SMYD3: variants seen among roughly 807,000 people sequenced by gnomAD.
SMYD3 encodes SET and MYND domain containing 3, also known as histone-lysine N-methyltransferase SMYD3.
SMYD3 carries 36 observed loss-of-function variants against 57.7 expected under a neutral mutation model. The ratio of observed to expected loss-of-function variants is 0.62; its 90% CI spans 0.48 to 0.82. The LOEUF (loss-of-function observed/expected upper bound fraction) is 0.82, where lower values mean the gene tolerates loss of function less well. Ranked by LOEUF, SMYD3 falls within the 40% of genes least tolerant of loss-of-function variation. The pLI, the probability that SMYD3 is intolerant of heterozygous loss-of-function variation, is 0.00. For missense variants in SMYD3, 515 were observed against 538.8 expected (o/e 0.96, Z 0.44); for synonymous variants, 211 against 195.0 (o/e 1.08, Z -0.68).
chr1:246,356,752 G>A (rs202067053), intron 1 of SMYD3, among the ~76,000 whole-genome samples: 1 of 151,958 alleles, frequency 6.6e-6, no homozygotes, highest in East Asian at 1.9e-4. Context: ...AAAGAAAAAA[G>A]AATTTTTAAA....
intron 5 of SMYD3, among the ~76,000 whole-genome samples, chr1:246,274,316 T>C (rs2064286703): frequency 6.6e-6 from 1 of 152,222 alleles, no homozygotes; most frequent in Non-Finnish European, 1.5e-5. Flanking sequence ...TCTGATGTAT[T>C]CTTCCTTTGG....
intron 5 of SMYD3, among the ~76,000 whole-genome samples, chr1:246,308,322 T>TC (rs1431545855): frequency 6.6e-6 from 1 of 152,200 alleles, no homozygotes; most frequent in Non-Finnish European, 1.5e-5. Flanking sequence ...AACTGGTTCT[T>TC]TCTGACCTAA....
intron 5 of SMYD3, among the ~76,000 whole-genome samples, chr1:246,026,581 T>C (rs2059578185): frequency 6.6e-6 from 1 of 152,242 alleles, no homozygotes; most frequent in Non-Finnish European, 1.5e-5. Flanking sequence ...GTTCTATCTG[T>C]GATGCTTATC....
intron 5 of SMYD3, among the ~76,000 whole-genome samples, chr1:245,955,619 CTATTTTAGTATTATTGTTGT>C (rs978683263): frequency 6.6e-6 from 1 of 152,004 alleles, no homozygotes; most frequent in African/African-American, 2.4e-5. Context: ...TATAATTGTT[CTATTTTAGTATTATTGTTGT>C]TAATCTACTG....
intron 1 of SMYD3, among the ~76,000 whole-genome samples, chr1:246,414,442 C>T (rs1372461104): frequency 6.6e-6 from 1 of 152,140 alleles, no homozygotes; most frequent in Non-Finnish European, 1.5e-5. Context: ...CACATAGAAC[C>T]AAAGCCTGTC....
At chr1:245,817,749 T>C (rs879125581) in intron 10 of SMYD3, among the ~76,000 whole-genome samples, 13 of 152,036 alleles carry the variant, frequency 8.6e-5, no homozygotes, top group Non-Finnish European at 1.5e-4. Flanking sequence ...ATGTGAAGAA[T>C]GCAGAAGCCT....
At chr1:246,161,725 A>G (rs1400067894) in intron 5 of SMYD3, among the ~76,000 whole-genome samples, 4 of 152,280 alleles carry the variant, frequency 2.6e-5, no homozygotes, top group African/African-American at 7.2e-5. Context: ...AATCAAATAC[A>G]GGTCTGGCCA....
At chr1:246,200,905 A>AT (rs1389499356) in intron 5 of SMYD3, among the ~76,000 whole-genome samples, 1 of 152,186 alleles carries the variant, frequency 6.6e-6, no homozygotes. Context: ...CCAAAAAAAA[A>AT]GTTTCTTATC....
At chr1:245,776,036 TGTATCA>T (rs1403581121) in intron 10 of SMYD3, among the ~76,000 whole-genome samples, 1 of 152,222 alleles carries the variant, frequency 6.6e-6, no homozygotes, top group Non-Finnish European at 1.5e-5. Flanking sequence ...TTATAGCATA[TGTATCA>T]GTAGGAGAAA....
At chr1:246,069,763 T>C (rs1418944084) in intron 5 of SMYD3, among the ~76,000 whole-genome samples, 5 of 152,142 alleles carry the variant, frequency 3.3e-5, no homozygotes, top group Non-Finnish European at 5.9e-5. Flanking sequence ...GGCTCACTCC[T>C]CCAGCTGCCT....
intron 8 of SMYD3, among the ~76,000 whole-genome samples, chr1:245,881,140 T>A (rs1372947499): frequency 6.6e-6 from 1 of 152,172 alleles, no homozygotes; most frequent in Non-Finnish European, 1.5e-5. Flanking sequence ...TTTGACCAGA[T>A]TAGAAAACTC....
chr1:246,114,947 C>T (rs917707492), intron 5 of SMYD3, among the ~76,000 whole-genome samples: 7 of 152,140 alleles, frequency 4.6e-5, no homozygotes, highest in Admixed American at 6.5e-5. Flanking sequence ...GGTTTTAACT[C>T]GCACCTGTTT....
chr1:246,168,692 G>T (rs1445865813), intron 5 of SMYD3, among the ~76,000 whole-genome samples: 1 of 152,160 alleles, frequency 6.6e-6, no homozygotes. Context: ...GAAGTATTAA[G>T]ACTCATTCCT....
chr1:246,357,607 A>G (rs531731699), intron 1 of SMYD3, among the ~76,000 whole-genome samples: 3 of 152,304 alleles, frequency 2.0e-5, no homozygotes, highest in Admixed American at 2.0e-4. Context: ...CATGATATCT[A>G]TGAACCCCCT....
At chr1:245,968,923 C>T (rs1178063496) in intron 5 of SMYD3, among the ~76,000 whole-genome samples, 1 of 152,144 alleles carries the variant, frequency 6.6e-6, no homozygotes, top group Non-Finnish European at 1.5e-5. Context: ...GGAGGCAATG[C>T]TTTCTCTTCC....
chr1:246,411,975 TAAAAA>T (rs59193144), intron 1 of SMYD3, among the ~76,000 whole-genome samples: 2 of 60,364 alleles, frequency 3.3e-5, no homozygotes, highest in African/African-American at 9.0e-5. Flanking sequence ...TAAAGTATAA[TAAAAA>T]AAAAAAAAAA....
intron 1 of SMYD3, among the ~76,000 whole-genome samples, chr1:246,371,233 G>C (rs967642323): frequency 2.6e-5 from 4 of 152,026 alleles, no homozygotes; most frequent in African/African-American, 9.7e-5. Context: ...TAAGTCACTC[G>C]GACAGCTAAT....
At chr1:245,847,897 C>A (rs1346278008) in intron 10 of SMYD3, among the ~76,000 whole-genome samples, 1 of 152,154 alleles carries the variant, frequency 6.6e-6, no homozygotes, top group Non-Finnish European at 1.5e-5. Flanking sequence ...TTTCTCAAAT[C>A]ATATATATTG....
At chr1:246,248,479 C>A (rs10924619) in intron 5 of SMYD3, among the ~76,000 whole-genome samples, 1 of 151,680 alleles carries the variant, frequency 6.6e-6, no homozygotes, top group African/African-American at 2.4e-5. Context: ...TATCAATTAC[C>A]GGTCAGTATG....
Sources: allele counts gnomAD v4.1 joint callset (sites outside exome capture counted in the v4.1 genomes callset), GRCh38; gene constraint gnomAD v4.1.1; transcripts MANE v1.5; gene names NCBI Gene and HGNC (gene_info 2026-07-23, HGNC 2026-07-21).